FGGY: variants seen among roughly 807,000 people sequenced by gnomAD.
FGGY encodes the protein FGGY carbohydrate kinase domain-containing protein.
In FGGY, 72 loss-of-function variants were observed where a neutral mutation model predicts 71.3. The ratio of observed to expected loss-of-function variants is 1.01; its 90% CI spans 0.84 to 1.23. The LOEUF (loss-of-function observed/expected upper bound fraction) is 1.23, where lower values mean the gene tolerates loss of function less well. Ranked by LOEUF, FGGY falls within the 50% of genes most tolerant of loss-of-function variation. FGGY has a pLI of 0.00. For synonymous variants in FGGY, 251 were observed against 250.3 expected (o/e 1.00, Z -0.02); for missense variants, 668 against 682.3 (o/e 0.98, Z 0.23).
intron 14 of FGGY, among the ~76,000 whole-genome samples, chr1:59,733,759 T>C (rs987995983): frequency 8.5e-5 from 13 of 152,230 alleles, no homozygotes; most frequent in Non-Finnish European, 1.2e-4. Context: ...AGGAGCTCTG[T>C]GCACACAGCC....
At chr1:59,409,598 T>TTATATATATATATATATATA (rs202016801) in intron 5 of FGGY, among the ~76,000 whole-genome samples, 2 of 105,760 alleles carry the variant, frequency 1.9e-5, no homozygotes, top group African/African-American at 6.1e-5. Flanking sequence ...GAAGAGTTTT[T>TTATATATATATATATATATA]TATATATATA....
chr1:59,645,990 T>A (rs2097090623), intron 11 of FGGY, among the ~76,000 whole-genome samples: 1 of 152,232 alleles, frequency 6.6e-6, no homozygotes, highest in Admixed American at 6.5e-5. Context: ...ATAGTGTGTA[T>A]GTGGGAGACC....
intron 14 of FGGY, among the ~76,000 whole-genome samples, chr1:59,675,673 T>G (rs1382596517): frequency 1.3e-5 from 2 of 152,242 alleles, no homozygotes; most frequent in African/African-American, 2.4e-5. Flanking sequence ...AATTGTCAAT[T>G]ATTATTTTAG....
intron 9 of FGGY, among the ~76,000 whole-genome samples, chr1:59,617,681 G>C (rs1426748731): frequency 2.6e-5 from 4 of 152,054 alleles, no homozygotes; most frequent in Non-Finnish European, 4.4e-5. Flanking sequence ...TTTCCAGCTG[G>C]ACCTTGGCCA....
rs147204493 is a variant in FGGY at position 59,609,591 on chromosome 1, C to T, written c.1011+1681C>T. On this transcript the variant is annotated intron_variant, in intron 9 of 15. Coordinates refer to ENST00000303721, the MANE Select transcript of FGGY (RefSeq NM_018291.5). ...AGTGAGACCTAGGCTCAGTTACACA[C>T]ACTCACATTTACTGTTAAATTGGAA... Among the ~76,000 whole-genome samples the T allele has an allele frequency of 3.9e-4, 59 of 152,338 alleles. 1 individual carries two copies. The East Asian group carries it at 0.011, about 28-fold the overall frequency.
chr1:59,599,470 G>A (rs577864935), intron 8 of FGGY, among the ~76,000 whole-genome samples: 195 of 151,950 alleles, frequency 1.3e-3, no homozygotes, highest in African/African-American at 4.5e-3. Flanking sequence ...CGAGACGGGC[G>A]GATCACTTGA....
At chr1:59,344,299 T>G (rs1448891370) in intron 3 of FGGY, among the ~76,000 whole-genome samples, 4 of 150,068 alleles carry the variant, frequency 2.7e-5, no homozygotes, top group African/African-American at 1.0e-4. Context: ...ATTGGCTTTT[T>G]TTGTTGTTTT....
intron 6 of FGGY, among the ~76,000 whole-genome samples, chr1:59,489,901 C>T (rs1351925290): frequency 6.6e-6 from 1 of 152,142 alleles, no homozygotes; most frequent in Non-Finnish European, 1.5e-5. Flanking sequence ...TTTTGATAAT[C>T]ACTATCCTAA....
rs2043236033 is a variant in FGGY, at chr1:59,304,954, T to A, written c.-15+7804T>A. ...TGATTTAATTTATTAGTTCTAACAG[T>A]TTTTTGGAGTCTTTGGGTGGTTTTC... is the stretch of plus-strand genomic sequence containing the variant. On this transcript the variant is annotated intron_variant, in intron 1 of 15. Coordinates refer to ENST00000303721, the MANE Select transcript of FGGY (RefSeq NM_018291.5). 2.0e-5 allele frequency among the ~76,000 whole-genome samples: 3 copies of A among 152,128 alleles called. No individual in the cohort carries two copies. In the South Asian group the frequency reaches 6.2e-4, roughly 31 times the overall value.
intron 5 of FGGY, among the ~76,000 whole-genome samples, chr1:59,425,300 A>T (rs1426663795): frequency 6.6e-6 from 1 of 152,236 alleles, no homozygotes. Flanking sequence ...AACAATTAGA[A>T]TTATAATAGA....
rs1239293886 is a variant in FGGY, at chr1:59,371,479, T to A, written c.466-7270T>A. ...AATGGGAGACTTTAACACCCCACTG[T>A]CAACATTAGACAGATCAACGAGACA... On this transcript the variant is annotated intron_variant, in intron 4 of 15. Coordinates refer to ENST00000303721, the MANE Select transcript of FGGY (RefSeq NM_018291.5). 2.0e-5 allele frequency among the ~76,000 whole-genome samples: 3 copies of A among 152,178 alleles called. No individual in the cohort carries two copies. In the East Asian group the frequency reaches 5.8e-4, roughly 29 times the overall value.
At chr1:59,594,004 G>A (rs891386040) in intron 8 of FGGY, among the ~76,000 whole-genome samples, 2 of 151,936 alleles carry the variant, frequency 1.3e-5, no homozygotes, top group Admixed American at 1.3e-4. Flanking sequence ...CTGCAACCCT[G>A]GGGGGCAGCT....
rs142323570 is a variant in FGGY, at chr1:59,688,150, T to C, written c.1512+14017T>C. Reference sequence around the variant, plus strand: ...GGAGACAAGATTCAAGTACAAGTCATAGCCAAGCACACTACAAGATAGTGT... The same window carrying C: ...GGAGACAAGATTCAAGTACAAGTCACAGCCAAGCACACTACAAGATAGTGT... On this transcript the variant is annotated intron_variant, in intron 14 of 15. Transcript: ENST00000303721. Among the ~76,000 whole-genome samples, 48 of 152,344 alleles carry C rather than the reference T, an allele frequency of 3.2e-4. 2 individuals carry two copies. The East Asian group carries it at 9.1e-3, about 29-fold the overall frequency.
chr1:59,393,696 G>A (rs1245838241), intron 5 of FGGY, among the ~76,000 whole-genome samples: 6 of 152,156 alleles, frequency 3.9e-5, no homozygotes, highest in Admixed American at 3.9e-4. Flanking sequence ...TCTATTTCAG[G>A]AAAATGATCT....
intron 8 of FGGY, among the ~76,000 whole-genome samples, chr1:59,598,267 A>G (rs1179094399): frequency 2.6e-5 from 4 of 152,352 alleles, no homozygotes; most frequent in Non-Finnish European, 4.4e-5. Context: ...CTTCTTGTCT[A>G]TAGGAGAGAG....
rs573747542 is a variant in FGGY at position 59,391,187 on chromosome 1, G to C, written c.554+12350G>C. 3.9e-5 allele frequency among the ~76,000 whole-genome samples: 6 copies of C among 152,276 alleles called. No homozygotes were observed. The East Asian group carries it at 1.2e-3, about 29-fold the overall frequency. On this transcript the variant is annotated intron_variant, in intron 5 of 15. Coordinates refer to ENST00000303721, the MANE Select transcript of FGGY (RefSeq NM_018291.5). ...GCTTGGGATTTGATTTTGGCTACCT[G>C]TGGAGAGAGTCATCCACTGAGGGGT... is the stretch of plus-strand genomic sequence containing the variant.
At chr1:59,597,562 G>T (rs992722857) in intron 8 of FGGY, among the ~76,000 whole-genome samples, 3 of 152,130 alleles carry the variant, frequency 2.0e-5, no homozygotes, top group African/African-American at 7.2e-5. Context: ...AACTCACCCT[G>T]GCTTGTATGG....
At chr1:59,585,092 G>A (rs981481117) in intron 8 of FGGY, among the ~76,000 whole-genome samples, 19 of 152,034 alleles carry the variant, frequency 1.2e-4, no homozygotes, top group Admixed American at 3.3e-4. Flanking sequence ...TGGCCATACT[G>A]CCCAAGGTAA....
chr1:59,368,138 C>A (rs1203935685), intron 4 of FGGY, among the ~76,000 whole-genome samples: 2 of 152,150 alleles, frequency 1.3e-5, no homozygotes, highest in Non-Finnish European at 2.9e-5. Context: ...TAGGCCATCA[C>A]CTAATGAGAT....
Sources: gnomAD v4.1 joint callset for allele counts (sites outside exome capture counted in the v4.1 genomes callset) on GRCh38, gnomAD v4.1.1 for gene constraint, MANE v1.5 for transcripts, NCBI Gene and HGNC (gene_info 2026-07-23, HGNC 2026-07-21) for gene names.